FSHR: variants seen among roughly 807,000 people sequenced by gnomAD.
FSHR encodes follicle-stimulating hormone receptor.
Under a neutral mutation model 52.1 loss-of-function variants are expected in FSHR, and 46 were observed. The observed-to-expected ratio is 0.88, with a 90% CI of 0.70 to 1.13. FSHR has a LOEUF of 1.13. FSHR is among the 50% of genes most tolerant of loss of function. The pLI, the probability that FSHR is intolerant of heterozygous loss-of-function variation, is 0.00. For synonymous variants in FSHR, 399 were observed against 309.6 expected (o/e 1.29, Z -3.03); for missense variants, 964 against 834.6 (o/e 1.16, Z -1.91).
intron 1 of FSHR, among the ~76,000 whole-genome samples, chr2:49,094,137 T>A (rs1022584595): frequency 2.0e-5 from 3 of 152,208 alleles, no homozygotes; most frequent in Non-Finnish European, 4.4e-5. Flanking sequence ...TGACTACATA[T>A]CTTCAAATAA....
intron 2 of FSHR, among the ~76,000 whole-genome samples, chr2:49,049,422 C>A (rs1170523383): frequency 1.3e-5 from 2 of 152,054 alleles, no homozygotes; most frequent in Non-Finnish European, 2.9e-5. Context: ...TCTGTCATAT[C>A]TTAGCACCTG....
chr2:49,071,630 T>C (rs1396668018), intron 1 of FSHR, among the ~76,000 whole-genome samples: 1 of 152,228 alleles, frequency 6.6e-6, no homozygotes, highest in Non-Finnish European at 1.5e-5. Context: ...TTTGTGTTGC[T>C]ATAAAGGAAT....
chr2:49,047,032 C>T (rs956299600), intron 2 of FSHR, among the ~76,000 whole-genome samples: 7 of 151,970 alleles, frequency 4.6e-5, no homozygotes, highest in Non-Finnish European at 1.0e-4. Flanking sequence ...TGACTGAAGT[C>T]GATAAATCTC....
chr2:49,007,692 C>G lies in FSHR; in HGVS notation c.374+9797G>C, dbSNP rs193117928. On this transcript the variant is annotated intron_variant, in intron 4 of 9. Coordinates refer to ENST00000406846, the MANE Select transcript of FSHR (RefSeq NM_000145.4). ...TGTCCTAAAGAAGCAGTTACAGAGGCCTTCAAAACATTAGGAATAACGGAA... is the reference window on the plus strand; with the variant it reads ...TGTCCTAAAGAAGCAGTTACAGAGGGCTTCAAAACATTAGGAATAACGGAA... 8.1e-4 allele frequency among the ~76,000 whole-genome samples: 123 copies of G among 152,082 alleles called. 1 individual carries two copies. Among genetic ancestry groups the G allele is most frequent in the African/African-American group, 2.7e-3 (113 of 41,494 alleles).
chr2:49,014,744 G>C (rs1401062750), intron 4 of FSHR: 1 of 276,884 alleles, frequency 3.6e-6, no homozygotes, highest in African/African-American at 2.3e-5. Context: ...TCATGGGCTA[G>C]GGATATCTAT....
rs750310200 is a variant in FSHR, at chr2:48,991,738, G to C, written c.375-1101C>G. 5.3e-5 allele frequency among the ~76,000 whole-genome samples: 8 copies of C among 152,264 alleles called. No homozygotes were observed. The South Asian group carries it at 1.7e-3, about 32-fold the overall frequency. ...TAGAGGCACATACGAATTATTGGAC[G>C]CATTGTTCTTTGTCATTTCTCTAAC... On this transcript the variant is annotated intron_variant, in intron 4 of 9. Coordinates refer to ENST00000406846, the MANE Select transcript of FSHR (RefSeq NM_000145.4).
intron 1 of FSHR, among the ~76,000 whole-genome samples, chr2:49,074,209 T>G (rs1572708822): frequency 1.1e-5 from 1 of 92,306 alleles, no homozygotes; most frequent in East Asian, 3.8e-4. Context: ...ACCAAAAAGC[T>G]TCTTCACAGC....
intron 1 of FSHR, among the ~76,000 whole-genome samples, chr2:49,080,162 C>T (rs1302221715): frequency 6.6e-6 from 1 of 152,094 alleles, no homozygotes; most frequent in Non-Finnish European, 1.5e-5. Flanking sequence ...CTTTATTCAC[C>T]ATTATATTGG....
chr2:49,076,843 C>T (rs1301918497), intron 1 of FSHR, among the ~76,000 whole-genome samples: 2 of 152,180 alleles, frequency 1.3e-5, no homozygotes, highest in Admixed American at 6.5e-5. Flanking sequence ...TCCAGTGGGA[C>T]AGTCAAATCT....
intron 1 of FSHR, among the ~76,000 whole-genome samples, chr2:49,116,726 T>C (rs1199906189): frequency 6.6e-6 from 1 of 152,182 alleles, no homozygotes; most frequent in Non-Finnish European, 1.5e-5. Flanking sequence ...AAATTTTATT[T>C]TTAATTGACA....
At chr2:49,060,944 G>A (rs888018907) in intron 2 of FSHR, among the ~76,000 whole-genome samples, 8 of 152,104 alleles carry the variant, frequency 5.3e-5, no homozygotes, top group Admixed American at 1.3e-4. Flanking sequence ...ACTGCAAAGT[G>A]CCTCATCTCC....
At position 49,144,848 on chromosome 2, in the gene FSHR, A is replaced by G. The variant is rs1317885944; in HGVS notation, c.152+9418T>C. Among the ~76,000 whole-genome samples, 4 of 152,074 alleles carry G rather than the reference A, an allele frequency of 2.6e-5. No homozygotes were observed. In the East Asian group the frequency reaches 7.7e-4, roughly 29 times the overall value. On this transcript the variant is annotated intron_variant, in intron 1 of 9. Transcript: ENST00000406846. ...TCTTTTGCATTTAATTTGTTTTTCTACCCTAAAGCTAATATAACCATGCCA... is the reference window on the plus strand; with the variant it reads ...TCTTTTGCATTTAATTTGTTTTTCTGCCCTAAAGCTAATATAACCATGCCA...
At chr2:49,124,593 T>A (rs1165998240) in intron 1 of FSHR, among the ~76,000 whole-genome samples, 1 of 152,108 alleles carries the variant, frequency 6.6e-6, no homozygotes, top group Non-Finnish European at 1.5e-5. Context: ...TATAACAATT[T>A]TGACACTATT....
intron 1 of FSHR, among the ~76,000 whole-genome samples, chr2:49,140,269 C>T (rs1333824007): frequency 3.3e-5 from 5 of 152,212 alleles, no homozygotes; most frequent in African/African-American, 9.6e-5. Context: ...CTTGAGTTCA[C>T]ACAAATCTGG....
At chr2:49,096,675 C>T (rs59000255) in intron 1 of FSHR, among the ~76,000 whole-genome samples, 7,938 of 152,186 alleles carry the variant, frequency 0.052, 463 homozygotes, top group East Asian at 0.22. Flanking sequence ...TTTCTGGCAA[C>T]CATGGTGATA....
chr2:49,070,057 C>A (rs561443308), intron 1 of FSHR, among the ~76,000 whole-genome samples: 3 of 152,244 alleles, frequency 2.0e-5, no homozygotes, highest in East Asian at 1.9e-4. Context: ...TGAGAGAGAA[C>A]CCTGTGTGCT....
intron 6 of FSHR, 119 bp downstream of exon 6, chr2:48,988,858 G>A: frequency 1.3e-6 from 1 of 767,232 alleles, no homozygotes; most frequent in Non-Finnish European, 2.3e-6. Context: ...ACTGGAGAGT[G>A]ATTTAAGTGG....
In FSHR at chr2:48,985,697, G is replaced by GTTTTTTTT. The variant is rs70946839; in HGVS notation, c.525-2539_525-2532dup. ...TTCAGTTTCAGGGGAGCAAGTACAG[G>GTTTTTTTT]TTTTTTTTTTTTTTTTTTTTTTTTT... On this transcript the variant is annotated intron_variant, in intron 6 of 9. Coordinates refer to ENST00000406846, the MANE Select transcript of FSHR (RefSeq NM_000145.4). Among the ~76,000 whole-genome samples, 90 of 99,572 alleles carry GTTTTTTTT rather than the reference G, an allele frequency of 9.0e-4. 18 individuals carry two copies. Among genetic ancestry groups the GTTTTTTTT allele is most frequent in the African/African-American group, 3.4e-3 (82 of 23,906 alleles). The allele number at this position is 99,572 out of a possible 152,430, so 65.3% of individuals were successfully genotyped here. A position where few individuals can be genotyped will look rare whatever the true frequency, so the allele number is the denominator to read the frequency against.
chr2:48,992,681 C>T (rs1675840309), intron 4 of FSHR, among the ~76,000 whole-genome samples: 2 of 151,860 alleles, frequency 1.3e-5, no homozygotes, highest in Admixed American at 1.3e-4. Context: ...TTCTATTCCA[C>T]CCTCTTGCTC....
Sources: allele counts gnomAD v4.1 joint callset (sites outside exome capture counted in the v4.1 genomes callset), GRCh38; gene constraint gnomAD v4.1.1; transcripts MANE v1.5; gene names NCBI Gene and HGNC (gene_info 2026-07-23, HGNC 2026-07-21).